Variants in CHCHD6 observed in about 807,000 individuals in gnomAD.
CHCHD6 encodes the protein coiled-coil-helix-coiled-coil-helix domain containing 6, also known as MICOS complex subunit MIC25.
A neutral mutation model predicts 32.3 loss-of-function variants in CHCHD6; 28 were observed. The ratio of observed to expected loss-of-function variants is 0.87; its 90% confidence interval spans 0.64 to 1.19. The LOEUF (loss-of-function observed/expected upper bound fraction) is 1.19, where lower values mean the gene tolerates loss of function less well. CHCHD6 is among the 50% of genes most tolerant of loss of function. The probability of loss-of-function intolerance (pLI) is 0.00; values close to 1 mark genes in which losing one functional copy is unlikely to be tolerated. For synonymous variants in CHCHD6, 122 were observed against 117.5 expected (o/e 1.04, Z -0.25); for missense variants, 333 against 307.0 (o/e 1.08, Z -0.63).
At chr3:126,745,926 A>G (rs1459268362) in intron 4 of CHCHD6, among the ~76,000 whole-genome samples, 2 of 152,130 alleles carry the variant, frequency 1.3e-5, no homozygotes, top group African/African-American at 4.8e-5. Context: ...CTTCCTGCCC[A>G]CTTGGGTGTG....
At chr3:126,913,857 A>G (rs548937137) in intron 5 of CHCHD6, among the ~76,000 whole-genome samples, 1 of 152,352 alleles carries the variant, frequency 6.6e-6, no homozygotes, top group Non-Finnish European at 1.5e-5. Flanking sequence ...GGCCTGGAGC[A>G]GCTTGCCTCT....
chr3:126,817,731 A>T (rs1338654530), intron 4 of CHCHD6, among the ~76,000 whole-genome samples: 1 of 150,930 alleles, frequency 6.6e-6, no homozygotes, highest in Admixed American at 6.6e-5. Context: ...TCTGAACTTT[A>T]CTCTTGTCCT....
chr3:126,901,590 T>G (rs1377003864), intron 5 of CHCHD6, among the ~76,000 whole-genome samples: 1 of 152,234 alleles, frequency 6.6e-6, no homozygotes, highest in Non-Finnish European at 1.5e-5. Context: ...AAATGCAGTC[T>G]AAGATTGTGT....
intron 5 of CHCHD6, among the ~76,000 whole-genome samples, chr3:126,875,551 G>T (rs2077529383): frequency 6.6e-6 from 1 of 152,210 alleles, no homozygotes; most frequent in Non-Finnish European, 1.5e-5. Context: ...GAGCTGGAGA[G>T]AATTGGGCTC....
intron 5 of CHCHD6, among the ~76,000 whole-genome samples, chr3:126,860,871 A>T (rs1463786996): frequency 4.6e-5 from 7 of 152,230 alleles, no homozygotes; most frequent in Non-Finnish European, 1.0e-4. Flanking sequence ...AGAAATTGAT[A>T]ACCATTGACC....
intron 6 of CHCHD6, among the ~76,000 whole-genome samples, chr3:126,934,828 C>T (rs962974006): frequency 2.0e-5 from 3 of 152,158 alleles, no homozygotes; most frequent in Non-Finnish European, 2.9e-5. Flanking sequence ...GGATTACAGG[C>T]GTGAGCCACC....
At chr3:126,718,919 T>TA (rs993251899) in intron 1 of CHCHD6, among the ~76,000 whole-genome samples, 13 of 152,128 alleles carry the variant, frequency 8.5e-5, no homozygotes, top group Non-Finnish European at 1.3e-4. Flanking sequence ...TGTGGCAACA[T>TA]AAAAAAAATT....
chr3:126,745,880 G>A (rs959213509), intron 4 of CHCHD6, among the ~76,000 whole-genome samples: 5 of 152,218 alleles, frequency 3.3e-5, no homozygotes, highest in Non-Finnish European at 7.3e-5. Flanking sequence ...CCTTGGGCTT[G>A]TGAGGCTAAG....
At chr3:126,819,299 G>A (rs1576454976) in intron 4 of CHCHD6, among the ~76,000 whole-genome samples, 1 of 152,188 alleles carries the variant, frequency 6.6e-6, no homozygotes, top group Non-Finnish European at 1.5e-5. Flanking sequence ...ATCCCAGATT[G>A]GTATGTGGGA....
chr3:126,837,569 C>A (rs1940910060), intron 4 of CHCHD6, among the ~76,000 whole-genome samples: 1 of 152,150 alleles, frequency 6.6e-6, no homozygotes, highest in South Asian at 2.1e-4. Context: ...TTCATTCATA[C>A]ATACATATAT....
In CHCHD6 at chr3:126,882,439, C is replaced by T. The variant is rs558724714; in HGVS notation, c.495+29709C>T. ...CTAAGAAACAGAAGTCCTGGTTCTC[C>T]GCTGCAGAGGTTCCTCTGATGTGAA... On this transcript the variant is annotated intron_variant, in intron 5 of 7. Coordinates refer to ENST00000290913, the MANE Select transcript of CHCHD6 (RefSeq NM_032343.3). Among the ~76,000 whole-genome samples the T allele has an allele frequency of 4.6e-5, 7 of 152,308 alleles. No homozygotes were observed. The East Asian group carries it at 5.8e-4, about 13-fold the overall frequency.
intron 4 of CHCHD6, among the ~76,000 whole-genome samples, chr3:126,736,646 CAG>C (rs1323871522): frequency 2.0e-5 from 3 of 152,168 alleles, no homozygotes; most frequent in Non-Finnish European, 4.4e-5. Flanking sequence ...CTTCTGATGA[CAG>C]AAGTGTTGCC....
rs73209623 is a variant in CHCHD6 at position 126,928,187 on chromosome 3, C to T, written c.566+13437C>T. 7.3e-3 allele frequency among the ~76,000 whole-genome samples: 1,109 copies of T among 152,384 alleles called. 7 individuals are homozygous for T. The highest frequency in any genetic ancestry group is 0.012 in the Non-Finnish European group (813 of 68,036). On this transcript the variant is annotated intron_variant, in intron 6 of 7. Coordinates refer to ENST00000290913, the MANE Select transcript of CHCHD6 (RefSeq NM_032343.3). ...TGTGGCAGAGGCTGGTGAGACCCAT[C>T]TCCTGGCATCTGGTTCTTATTGGAC... is the stretch of plus-strand genomic sequence containing the variant.
chr3:126,748,593 T>A (rs1576368926), intron 4 of CHCHD6, among the ~76,000 whole-genome samples: 5 of 122,926 alleles, frequency 4.1e-5, no homozygotes, highest in South Asian at 2.6e-4. Flanking sequence ...AGACTACATC[T>A]CCAAAAAAAA....
rs573618977 is a variant in CHCHD6 at position 126,791,746 on chromosome 3, A to G, written c.411+58524A>G. 2.0e-4 allele frequency among the ~76,000 whole-genome samples: 30 copies of G among 152,312 alleles called. No individual in the cohort carries two copies. In the South Asian group the frequency reaches 5.0e-3, roughly 25 times the overall value. ...TGCCTCAGCCTCCCAAGTAGCTGGGATTACAGGTGTATGCCACCATGCCCA... is the reference window on the plus strand; with the variant it reads ...TGCCTCAGCCTCCCAAGTAGCTGGGGTTACAGGTGTATGCCACCATGCCCA... On this transcript the variant is annotated intron_variant, in intron 4 of 7. Coordinates refer to ENST00000290913, the MANE Select transcript of CHCHD6 (RefSeq NM_032343.3).
intron 5 of CHCHD6, among the ~76,000 whole-genome samples, chr3:126,905,680 C>T (rs1434278092): frequency 6.6e-6 from 1 of 151,990 alleles, no homozygotes; most frequent in Non-Finnish European, 1.5e-5. Context: ...TGAGGTGCGT[C>T]CTTGTGTTTG....
chr3:126,769,627 C>T (rs759840214), intron 4 of CHCHD6, among the ~76,000 whole-genome samples: 19 of 152,160 alleles, frequency 1.2e-4, no homozygotes, highest in Admixed American at 3.9e-4. Context: ...CTCAGTCTCC[C>T]GAGTAGCTGG....
intron 7 of CHCHD6, among the ~76,000 whole-genome samples, chr3:126,959,652 G>A (rs2078832213): frequency 6.6e-6 from 1 of 152,200 alleles, no homozygotes; most frequent in Non-Finnish European, 1.5e-5. Flanking sequence ...TCCTAGGGCA[G>A]GTAGGTGATG....
chr3:126,807,864 A>G (rs1340315309), intron 4 of CHCHD6, among the ~76,000 whole-genome samples: 2 of 152,230 alleles, frequency 1.3e-5, no homozygotes, highest in African/African-American at 2.4e-5. Flanking sequence ...TACGGGCCAC[A>G]TGGTCTCTAT....
Sources: allele counts gnomAD v4.1 joint callset (sites outside exome capture counted in the v4.1 genomes callset), GRCh38; gene constraint gnomAD v4.1.1; transcripts MANE v1.5; gene names NCBI Gene and HGNC (gene_info 2026-07-23, HGNC 2026-07-21).